Variants in CALCR observed in about 807,000 individuals in gnomAD.
The protein encoded by CALCR is calcitonin receptor.
CALCR carries 47 observed loss-of-function variants against 59.5 expected under a neutral mutation model. The ratio of observed to expected loss-of-function variants is 0.79; its 90% confidence interval spans 0.63 to 1.01. The LOEUF (loss-of-function observed/expected upper bound fraction) is 1.01, where lower values mean the gene tolerates loss of function less well. Ranked by LOEUF, CALCR falls within the 50% of genes least tolerant of loss-of-function variation. The pLI, the probability that CALCR is intolerant of heterozygous loss-of-function variation, is 0.00. For synonymous variants in CALCR, 213 were observed against 211.3 expected, an observed-to-expected ratio of 1.01 and a Z score of -0.07; for missense variants, 566 against 597.1, an observed-to-expected ratio of 0.95 and a Z score of 0.54.
intron 2 of CALCR, among the ~76,000 whole-genome samples, chr7:93,562,206 T>C (rs549783693): frequency 2.5e-4 from 38 of 152,160 alleles, no homozygotes; most frequent in African/African-American, 9.1e-4. Context: ...TGATTTTCAG[T>C]CTTCGTATCT....
chr7:93,480,773 A>C (rs1800777643), intron 3 of CALCR, among the ~76,000 whole-genome samples: 1 of 151,868 alleles, frequency 6.6e-6, no homozygotes, highest in South Asian at 2.1e-4. Context: ...ACAAGGTAGA[A>C]TTTGAATTGT....
At chr7:93,445,819 G>A (rs1158590952) in intron 8 of CALCR, among the ~76,000 whole-genome samples, 1 of 151,972 alleles carries the variant, frequency 6.6e-6, no homozygotes, top group Non-Finnish European at 1.5e-5. Flanking sequence ...CTTGTACTTA[G>A]GAACATCATA....
chr7:93,479,208 G>T, intron 4 of CALCR, 146 bp downstream of exon 4: 1 of 818,758 alleles, frequency 1.2e-6, no homozygotes, highest in Non-Finnish European at 1.9e-6. Flanking sequence ...TGCACTGCAT[G>T]AAATACACAA....
intron 2 of CALCR, among the ~76,000 whole-genome samples, chr7:93,573,454 G>A (rs905260655): frequency 6.6e-6 from 1 of 152,190 alleles, no homozygotes; most frequent in African/African-American, 2.4e-5. Context: ...CCTGGAAATA[G>A]TCAGGGTCTC....
At chr7:93,431,453 G>C (rs1799657770) in intron 13 of CALCR, among the ~76,000 whole-genome samples, 1 of 152,118 alleles carries the variant, frequency 6.6e-6, no homozygotes, top group Non-Finnish European at 1.5e-5. Flanking sequence ...GTGGCTTGGC[G>C]GAAAGAACTT....
intron 8 of CALCR, among the ~76,000 whole-genome samples, chr7:93,449,608 T>C (rs1432295347): frequency 1.3e-5 from 2 of 152,084 alleles, no homozygotes; most frequent in African/African-American, 4.8e-5. Flanking sequence ...GGGTAGTGTT[T>C]ATAACGTTGT....
intron 7 of CALCR, chr7:93,462,060 T>TA (rs747923766): frequency 6.3e-5 from 94 of 1,483,730 alleles, no homozygotes; most frequent in Non-Finnish European, 8.3e-5. Flanking sequence ...TGGGTTTACT[T>TA]ACAATGCCTT....
At chr7:93,462,738 C>T (rs1026001411) in intron 7 of CALCR, among the ~76,000 whole-genome samples, 2 of 152,018 alleles carry the variant, frequency 1.3e-5, no homozygotes, top group African/African-American at 4.8e-5. Flanking sequence ...TGCTGTTGTA[C>T]ATTAGCTTAA....
chr7:93,521,364 C>T (rs1245073349), intron 2 of CALCR, among the ~76,000 whole-genome samples: 1 of 152,112 alleles, frequency 6.6e-6, no homozygotes, highest in African/African-American at 2.4e-5. Context: ...AAATAGTATA[C>T]TGTCCAGACC....
At chr7:93,488,587 A>AAAAAAAAT in intron 2 of CALCR, among the ~76,000 whole-genome samples, 1 of 147,912 alleles carries the variant, frequency 6.8e-6, no homozygotes, top group Non-Finnish European at 1.5e-5. Context: ...GGAAAGAAAA[A>AAAAAAAAT]AAAAAAAAAA....
At chr7:93,433,544 T>C (rs1056384250) in intron 13 of CALCR, among the ~76,000 whole-genome samples, 17 of 152,194 alleles carry the variant, frequency 1.1e-4, no homozygotes, top group Non-Finnish European at 1.0e-4. Context: ...TTTCTGGAGT[T>C]CAGATTTCTT....
intron 2 of CALCR, among the ~76,000 whole-genome samples, chr7:93,529,480 T>C (rs1438953109): frequency 1.3e-5 from 2 of 152,234 alleles, no homozygotes; most frequent in Non-Finnish European, 2.9e-5. Context: ...TTTACAGCAA[T>C]GTAAGAATAG....
intron 2 of CALCR, among the ~76,000 whole-genome samples, chr7:93,554,215 C>T (rs1484004815): frequency 1.3e-5 from 2 of 152,026 alleles, no homozygotes; most frequent in African/African-American, 4.8e-5. Flanking sequence ...TTTAATAAGC[C>T]ATCATGAAAA....
At chr7:93,533,411 T>A (rs929297289) in intron 2 of CALCR, among the ~76,000 whole-genome samples, 13 of 151,962 alleles carry the variant, frequency 8.6e-5, no homozygotes, top group African/African-American at 3.1e-4. Flanking sequence ...GTTCTAGAAC[T>A]CTTTCCTCCA....
chr7:93,426,195 C>T lies in CALCR; in HGVS notation c.*161G>A, dbSNP rs965717435. ...TAGACTGTCTCCCAAAGCAACAGTA[C>T]CAAGAATAACTTTCTTCAGATTTAC... On this transcript the variant is annotated 3_prime_UTR_variant, in exon 14 of 14. Transcript: ENST00000426151. The T allele has an allele frequency of 3.4e-6, 2 of 583,020 alleles. No homozygotes were observed. Among genetic ancestry groups the T allele is most frequent in the Non-Finnish European group, 6.1e-6 (2 of 328,392 alleles). 36.1% of individuals were successfully genotyped at this position (583,020 alleles called of 1,614,324 possible). A position where few individuals can be genotyped will look rare whatever the true frequency, so the allele number is the denominator to read the frequency against.
chr7:93,535,480 A>G (rs1269025206), intron 2 of CALCR, among the ~76,000 whole-genome samples: 1 of 151,776 alleles, frequency 6.6e-6, no homozygotes, highest in Non-Finnish European at 1.5e-5. Context: ...TATGAGGATG[A>G]CATAACATTA....
At chr7:93,459,303 A>G (rs1256849187) in intron 8 of CALCR, among the ~76,000 whole-genome samples, 1 of 152,202 alleles carries the variant, frequency 6.6e-6, no homozygotes, top group South Asian at 2.1e-4. Context: ...AACTGAGAGT[A>G]AGGAGACCTG....
chr7:93,507,751 C>CA (rs562704303), intron 2 of CALCR, among the ~76,000 whole-genome samples: 3,207 of 52,038 alleles, frequency 0.062, 45 homozygotes, highest in Middle Eastern at 0.083. Context: ...ACTAAAAATA[C>CA]AAAAAAAAAA....
intron 7 of CALCR, among the ~76,000 whole-genome samples, 158 bp from the exon 8 acceptor site, chr7:93,461,105 A>G (rs1336512125): frequency 6.6e-6 from 1 of 152,172 alleles, no homozygotes; most frequent in Non-Finnish European, 1.5e-5. Context: ...ATTTATTCCT[A>G]CTTTTCTGCC....
Sources: allele counts gnomAD v4.1 joint callset (sites outside exome capture counted in the v4.1 genomes callset), GRCh38; gene constraint gnomAD v4.1.1; transcripts MANE v1.5; gene names NCBI Gene and HGNC (gene_info 2026-07-23, HGNC 2026-07-21).